Variants in FAM240C observed in about 807,000 individuals in gnomAD.
FAM240C encodes the protein family with sequence similarity 240 member C, also known as protein FAM240C.
A neutral mutation model predicts 10.0 loss-of-function variants in FAM240C; 14 were observed. The observed-to-expected ratio is 1.40, with a 90% CI of 0.92 to 2.19. FAM240C has a LOEUF of 2.19. Ranked by LOEUF, FAM240C falls within the 30% of genes most tolerant of loss-of-function variation. FAM240C has a pLI of 0.00. For missense variants in FAM240C, 154 were observed against 122.3 expected (o/e 1.26, Z -1.22); for synonymous variants, 49 against 44.3 (o/e 1.11, Z -0.42).
At position 241,894,135 on chromosome 2, in the gene FAM240C, G is replaced by C; in HGVS notation, c.*78C>G. 1 of 1,461,134 alleles carries C rather than the reference G, an allele frequency of 6.8e-7. No individual in the cohort carries two copies. Among genetic ancestry groups the C allele is most frequent in the Non-Finnish European group, 9.2e-7 (1 of 1,086,756 alleles). 90.5% of individuals were successfully genotyped at this position (1,461,134 alleles called of 1,614,324 possible). A position where few individuals can be genotyped will look rare whatever the true frequency, so the allele number is the denominator to read the frequency against. ...TGAAGATCCTGTGAACTCTGGCGTG[G>C]ATGCTTGGACCCCACGCGTGGTGTT... is the stretch of plus-strand genomic sequence containing the variant. On this transcript the variant is annotated 3_prime_UTR_variant, in exon 3 of 3. Transcript: ENST00000404031.
chr2:241,897,778 A>C (rs1701889227), intron 1 of FAM240C, among the ~76,000 whole-genome samples: 1 of 152,186 alleles, frequency 6.6e-6, no homozygotes, highest in African/African-American at 2.4e-5. Context: ...CCCATCACCC[A>C]GGCTGCAATG....
In FAM240C at chr2:241,898,169, G is replaced by A. The variant is rs139967335; in HGVS notation, c.13-835C>T. On this transcript the variant is annotated intron_variant, in intron 1 of 2. Transcript: ENST00000404031. ...TATTTGATGTAATATGCTAAAGTGA[G>A]GCTGACTGAAATGTTTACTTTCCAA... 3.7e-3 allele frequency among the ~76,000 whole-genome samples: 569 copies of A among 152,326 alleles called. 2 individuals are homozygous for A. The highest frequency in any genetic ancestry group is 0.013 in the African/African-American group (536 of 41,562).
intron 2 of FAM240C, among the ~76,000 whole-genome samples, chr2:241,896,884 G>A (rs1050550961): frequency 6.7e-6 from 1 of 149,466 alleles, no homozygotes; most frequent in African/African-American, 2.5e-5. Context: ...TGAATTGTCC[G>A]TGGGCATTGG....
intron 1 of FAM240C, among the ~76,000 whole-genome samples, chr2:241,898,783 A>G (rs1294048882): frequency 1.3e-5 from 2 of 152,024 alleles, no homozygotes; most frequent in Non-Finnish European, 1.5e-5. Context: ...GGGTTTACAC[A>G]AGGGAGCCAG....
upstream of FAM240C, among the ~76,000 whole-genome samples, chr2:241,900,913 C>T (rs1455799795): frequency 6.6e-6 from 1 of 152,114 alleles, no homozygotes; most frequent in Non-Finnish European, 1.5e-5. This position sits in a 1 kb window ranked among gnomAD's most constrained non-coding sequence, Gnocchi z 4.5. Context: ...CTCGCGGTGA[C>T]AGGCGCTGAG....
intron 1 of FAM240C, among the ~76,000 whole-genome samples, chr2:241,898,207 C>A (rs1460016137): frequency 6.6e-6 from 1 of 152,170 alleles, no homozygotes; most frequent in Non-Finnish European, 1.5e-5. Flanking sequence ...ATTTTGGACT[C>A]GTGCATCTAC....
intron 1 of FAM240C, among the ~76,000 whole-genome samples, chr2:241,897,877 G>A (rs899120829): frequency 1.3e-5 from 2 of 152,194 alleles, no homozygotes; most frequent in East Asian, 3.9e-4. Flanking sequence ...TGGGACTATA[G>A]GTGTGCACCA....
intron 1 of FAM240C, chr2:241,898,996 C>G (rs1701916434): frequency 1.4e-6 from 1 of 725,324 alleles, no homozygotes; most frequent in Non-Finnish European, 2.2e-6. Flanking sequence ...AGGCATTTCT[C>G]TTTCCCCGCC....
intron 2 of FAM240C, 137 bp from the exon 3 acceptor site, chr2:241,894,476 G>A (rs1214663615): frequency 6.9e-6 from 6 of 866,918 alleles, no homozygotes; most frequent in East Asian, 3.1e-5. Flanking sequence ...GGGTGTCACC[G>A]CATCCCTGCC....
intron 2 of FAM240C, among the ~76,000 whole-genome samples, chr2:241,895,058 G>A (rs28378809): frequency 2.4e-4 from 37 of 152,170 alleles, no homozygotes; most frequent in African/African-American, 7.0e-4. Context: ...GTGGGTGCCC[G>A]GCTCCAGCCA....
In FAM240C at chr2:241,894,195, T is replaced by A. The variant is rs1353116565; in HGVS notation, c.*18A>T. 4 of 1,547,042 alleles carry A rather than the reference T, an allele frequency of 2.6e-6. No homozygotes were observed. The South Asian group carries it at 4.8e-5, about 18-fold the overall frequency. Reference sequence around the variant, plus strand: ...TGACCCTCCGGAAGCTCATGCAGAGTCTGGAGCTCGTGGGCCCTCAGGCCG... The same window carrying A: ...TGACCCTCCGGAAGCTCATGCAGAGACTGGAGCTCGTGGGCCCTCAGGCCG... On this transcript the variant is annotated 3_prime_UTR_variant, in exon 3 of 3. Coordinates refer to ENST00000404031, the MANE Select transcript of FAM240C (RefSeq NM_001382368.1).
intron 2 of FAM240C, among the ~76,000 whole-genome samples, chr2:241,896,279 C>T (rs1701799802): frequency 6.6e-6 from 1 of 152,198 alleles, no homozygotes; most frequent in African/African-American, 2.4e-5. Flanking sequence ...CACTCAGCAC[C>T]CATAGACCCC....
At position 241,900,346 on chromosome 2, in the gene FAM240C, C is replaced by T. The variant is rs752120523; in HGVS notation, c.12+12G>A. On this transcript the variant is annotated intron_variant, in intron 1 of 2. Coordinates refer to ENST00000404031, the MANE Select transcript of FAM240C (RefSeq NM_001382368.1). The surrounding 1 kb of genome is among the most constrained non-coding windows in gnomAD (Gnocchi z 4.5). ...AGCAAGGACAGCGCCTGTCACATCACAGAGAGCTTACTTTTCCAACCATTT... is the reference window on the plus strand; with the variant it reads ...AGCAAGGACAGCGCCTGTCACATCATAGAGAGCTTACTTTTCCAACCATTT... 1.4e-6 allele frequency: 1 copy of T among 717,342 alleles called. No individual in the cohort carries two copies. The highest frequency in any genetic ancestry group is 1.5e-5 in the South Asian group (1 of 67,584). The allele number at this position is 717,342 out of a possible 1,614,324, so 44.4% of individuals were successfully genotyped here. A position where few individuals can be genotyped will look rare whatever the true frequency, so the allele number is the denominator to read the frequency against.
chr2:241,894,333 G>C lies in FAM240C; in HGVS notation c.168C>G (p.Arg56=). The change falls in exon 3 of 3, where the codon CGC becomes CGG. Residue 56 remains arginine, a synonymous_variant. Coordinates refer to ENST00000404031, the MANE Select transcript of FAM240C (RefSeq NM_001382368.1). ...CCTCCAGCTGCTCAGCCCATCCCAC[G>C]CGGAGCCTGGGGCAGGGCGATAATT... is the stretch of plus-strand genomic sequence containing the variant. ...RVRRSALNKL[R]VGWAEQLEGR... 1 of 1,545,134 alleles carries C rather than the reference G, an allele frequency of 6.5e-7. No homozygotes were observed. The highest frequency in any genetic ancestry group is 8.7e-7 in the Non-Finnish European group (1 of 1,144,662).
intron 1 of FAM240C, among the ~76,000 whole-genome samples, chr2:241,898,455 G>C (rs548692669): frequency 7.2e-5 from 11 of 152,352 alleles, no homozygotes; most frequent in African/African-American, 2.4e-4. Context: ...TGGAGGCTGA[G>C]GCAGGAGAAT....
Position 241,897,329 on chromosome 2 carries a change from C to A in FAM240C, c.18G>T (p.Met6Ile), listed in dbSNP as rs765328374. Residue 6 changes from methionine (M) to isoleucine (I), a missense_variant, in exon 2 of 3, where the codon ATG (methionine) becomes ATT (isoleucine). Transcript: ENST00000404031. MVGKN[M>I]SKSLTLKNPG... ...GATTCTTAAGAGTGAGGCTTTTACT[C>A]ATGTTCTGGAAAATAAAAAGTGGAG... The A allele has an allele frequency of 1.3e-6, 2 of 1,549,294 alleles. No individual in the cohort carries two copies. Among genetic ancestry groups the A allele is most frequent in the East Asian group, 2.4e-5 (1 of 40,942 alleles).
rs1448974100 is a variant in FAM240C at position 241,900,386 on chromosome 2, G to A, written c.-17C>T. ...TCCAACCATTTCTCAGTGACGGGCA[G>A]GTTTTCCTGTCTCTGTTGAGGGTCC... On this transcript the variant is annotated 5_prime_UTR_variant, in exon 1 of 3. Coordinates refer to ENST00000404031, the MANE Select transcript of FAM240C (RefSeq NM_001382368.1). The surrounding 1 kb of genome is among the most constrained non-coding windows in gnomAD (Gnocchi z 4.5). 4.2e-6 allele frequency: 3 copies of A among 717,154 alleles called. No individual in the cohort carries two copies. The African/African-American group carries it at 5.2e-5, about 13-fold the overall frequency. The allele number at this position is 717,154 out of a possible 1,614,324, so 44.4% of individuals were successfully genotyped here.
At chr2:241,900,584 G>A (rs532512042), upstream of FAM240C, 4 of 574,626 alleles carry the variant, frequency 7.0e-6, no homozygotes, top group South Asian at 8.7e-5. The surrounding 1 kb of genome is among the most constrained non-coding windows in gnomAD (Gnocchi z 4.5). Flanking sequence ...TTGGCAGCAT[G>A]GGAATCTGGA....
At chr2:241,896,616 G>T (rs1485518181) in intron 2 of FAM240C, among the ~76,000 whole-genome samples, 1 of 121,078 alleles carries the variant, frequency 8.3e-6, no homozygotes, top group African/African-American at 3.1e-5. Context: ...TGTGGGTGTG[G>T]GGGTGTGGGT....
Sources: gnomAD v4.1 joint callset for allele counts (sites outside exome capture counted in the v4.1 genomes callset) on GRCh38, gnomAD v4.1.1 for gene constraint, Gnocchi (gnomAD v3.1) non-coding constraint, MANE v1.5 for transcripts, NCBI Gene and HGNC (gene_info 2026-07-23, HGNC 2026-07-21) for gene names.